Variants in DNAAF1 observed in about 807,000 individuals in gnomAD.
DNAAF1 encodes dynein axonemal assembly factor 1.
Under a neutral mutation model 71.1 loss-of-function variants are expected in DNAAF1, and 65 were observed. That is an observed-to-expected ratio of 0.91 (90% CI 0.75 to 1.12). DNAAF1 has a LOEUF of 1.12. Ranked by LOEUF, DNAAF1 falls within the 50% of genes most tolerant of loss-of-function variation. The probability of loss-of-function intolerance (pLI) is 0.00; values close to 1 mark genes in which losing one functional copy is unlikely to be tolerated. For synonymous variants in DNAAF1, 414 were observed against 354.6 expected, an observed-to-expected ratio of 1.17 and a Z score of -1.88; for missense variants, 1,178 against 899.8, an observed-to-expected ratio of 1.31 and a Z score of -3.96.
intron 3 of DNAAF1, 146 bp from the exon 4 acceptor site, chr16:84,154,431 C>T (rs932074690): frequency 2.7e-6 from 2 of 753,936 alleles, no homozygotes; most frequent in Non-Finnish European, 4.6e-6. Context: ...CTCCTAATAC[C>T]ATCACATTAG....
intron 3 of DNAAF1, among the ~76,000 whole-genome samples, chr16:84,153,136 G>A (rs565504925): frequency 2.6e-5 from 4 of 152,008 alleles, no homozygotes; most frequent in African/African-American, 4.8e-5. Flanking sequence ...TGGTGTTGTG[G>A]CTATCTTAAA....
chr16:84,155,498 G>T, intron 4 of DNAAF1, 85 bp from the exon 5 acceptor site: 1 of 1,464,112 alleles, frequency 6.8e-7, no homozygotes, highest in South Asian at 1.1e-5. Context: ...CCAAAGTGCT[G>T]GGATTACAGG....
chr16:84,172,375 T>C lies in DNAAF1; in HGVS notation c.1644T>C (p.Asp548=). The part of the protein sequence containing the change: ...RLETKETFCI[D]DLPDLEDDDE... ...AGACAAAGGAGACATTCTGCATTGATGTACATGAAGTATTTAATCTTGGAG... is the reference window on the plus strand; with the variant it reads ...AGACAAAGGAGACATTCTGCATTGACGTACATGAAGTATTTAATCTTGGAG... The change falls in exon 9 of 12, where the codon GAT becomes GAC. Residue 548 remains aspartate (D), a splice_region_variant and synonymous_variant. Transcript: ENST00000378553. 1 of 1,613,844 alleles carries C rather than the reference T, an allele frequency of 6.2e-7. No individual in the cohort carries two copies. The highest frequency in any genetic ancestry group is 8.5e-7 in the Non-Finnish European group (1 of 1,179,768).
At chr16:84,146,844 C>G (rs557207198) in intron 1 of DNAAF1, among the ~76,000 whole-genome samples, 4 of 152,328 alleles carry the variant, frequency 2.6e-5, no homozygotes, top group Non-Finnish European at 5.9e-5. Flanking sequence ...TAAAAAACCA[C>G]TTGATTTGTG....
intron 10 of DNAAF1, 122 bp downstream of exon 10, chr16:84,174,844 C>G (rs1170232161): frequency 3.3e-6 from 4 of 1,228,210 alleles, no homozygotes; most frequent in Non-Finnish European, 3.5e-6. Flanking sequence ...CATTGAATTC[C>G]CCCATATTCT....
At chr16:84,163,034 C>G (rs544337767) in intron 6 of DNAAF1, among the ~76,000 whole-genome samples, 1 of 152,268 alleles carries the variant, frequency 6.6e-6, no homozygotes, top group East Asian at 1.9e-4. Context: ...CGTGTTCCAT[C>G]CAGTACTTCA....
Position 84,170,289 on chromosome 16 carries a change from T to G in DNAAF1, c.1461T>G (p.Asp487Glu). The G allele has an allele frequency of 6.2e-7, 1 of 1,609,314 alleles. No individual in the cohort carries two copies. Among genetic ancestry groups the G allele is most frequent in the South Asian group, 1.1e-5 (1 of 90,820 alleles). ...PPVKVKGEDG[D>E]REPEGTLPAE... ...TGAAGGTTAAAGGAGAGGATGGAGA[T>G]CGAGAGCCAGAGGGGACCCTCCCAG... The change falls in exon 8 of 12, where the codon GAT (aspartate) becomes GAG (glutamate). Residue 487 changes from aspartate to glutamate, a missense_variant. By Grantham distance (45) the Asp-to-Glu change is conservative. Transcript: ENST00000378553.
chr16:84,173,929 C>G (rs1346315345), intron 9 of DNAAF1: 1 of 153,238 alleles, frequency 6.5e-6, no homozygotes, highest in Non-Finnish European at 1.4e-5. Flanking sequence ...ATATAGATAA[C>G]TACAACACTA....
chr16:84,172,919 C>T (rs1452346557), intron 9 of DNAAF1: 1 of 1,007,084 alleles, frequency 9.9e-7, no homozygotes, highest in South Asian at 4.2e-5. Flanking sequence ...TCACTCTTCC[C>T]TGAAGCTCTT....
At chr16:84,164,763 C>A (rs2087884272) in intron 6 of DNAAF1, among the ~76,000 whole-genome samples, 1 of 152,210 alleles carries the variant, frequency 6.6e-6, no homozygotes, top group Non-Finnish European at 1.5e-5. Context: ...AAGTCTTCAA[C>A]TCATTTGAGT....
intron 7 of DNAAF1, among the ~76,000 whole-genome samples, chr16:84,167,825 G>A (rs9972657): frequency 6.6e-6 from 1 of 152,096 alleles, no homozygotes; most frequent in African/African-American, 2.4e-5. Context: ...AGACCAGCCT[G>A]AACAACATGG....
chr16:84,171,239 C>G (rs1464942504), intron 8 of DNAAF1, among the ~76,000 whole-genome samples: 1 of 152,128 alleles, frequency 6.6e-6, no homozygotes, highest in Non-Finnish European at 1.5e-5. Flanking sequence ...AGTTCGAGAC[C>G]AGCCTGGCCA....
chr16:84,177,163 G>GT, intron 11 of DNAAF1: 3 of 183,706 alleles, frequency 1.6e-5, no homozygotes, highest in Non-Finnish European at 3.5e-5. Flanking sequence ...GCATTTCCCG[G>GT]GAACACTGAG....
intron 11 of DNAAF1, chr16:84,177,039 G>A (rs183207321): frequency 2.6e-3 from 439 of 166,972 alleles, no homozygotes; most frequent in African/African-American, 9.8e-3. Flanking sequence ...GGGCTGTGTG[G>A]AGCCCAGACC....
In DNAAF1 at chr16:84,145,445, A is replaced by G. The variant is rs1226278534; in HGVS notation, c.5A>G (p.His2Arg). The G allele has an allele frequency of 1.9e-6, 3 of 1,580,232 alleles. No homozygotes were observed. The highest frequency in any genetic ancestry group is 2.3e-5 in the East Asian group (1 of 43,644). ...TTCGGTGTCGCCGAAGTAAACATGC[A>G]CCCTGAGCCCTCGGAGCCTGCGACA... is the stretch of plus-strand genomic sequence containing the variant. MHPEPSEPATGG... is the reference protein window; with the variant it reads MRPEPSEPATGG... The change falls in exon 1 of 12, where the codon CAC (histidine) becomes CGC (arginine). Residue 2 changes from histidine (H) to arginine (R), a missense_variant. His to Arg is a conservative substitution (Grantham distance 29, BLOSUM62 0). Coordinates refer to ENST00000378553, the MANE Select transcript of DNAAF1 (RefSeq NM_178452.6).
intron 6 of DNAAF1, among the ~76,000 whole-genome samples, chr16:84,162,865 C>G (rs1369711681): frequency 1.3e-5 from 2 of 151,952 alleles, no homozygotes; most frequent in African/African-American, 2.4e-5. Flanking sequence ...AGCCAACCCC[C>G]TATTTCTCGC....
chr16:84,167,620 A>G (rs982108827), intron 7 of DNAAF1, among the ~76,000 whole-genome samples: 1 of 152,168 alleles, frequency 6.6e-6, no homozygotes, highest in African/African-American at 2.4e-5. Flanking sequence ...GCCTCCTAGC[A>G]CCCCTATGTA....
At chr16:84,173,476 AAG>A (rs996331856) in intron 9 of DNAAF1, 4 of 984,402 alleles carry the variant, frequency 4.1e-6, no homozygotes, top group Non-Finnish European at 1.2e-6. Flanking sequence ...AAAAGAAAAA[AAG>A]AGTTAAAGTG....
At position 84,159,783 on chromosome 16, in the gene DNAAF1, T is replaced by C. The variant is rs905828831; in HGVS notation, c.850T>C (p.Phe284Leu). 2.6e-5 allele frequency: 42 copies of C among 1,613,832 alleles called. No homozygotes were observed. The highest frequency in any genetic ancestry group is 3.5e-5 in the Non-Finnish European group (41 of 1,179,896). The change falls in exon 6 of 12, where the codon TTT becomes CTT. Residue 284 changes from phenylalanine (F) to leucine (L), a missense_variant. Phe to Leu is a conservative substitution (Grantham distance 22). Coordinates refer to ENST00000378553, the MANE Select transcript of DNAAF1 (RefSeq NM_178452.6). ...AACATACCTGGATGATAGACCAGTG[T>C]TTCCAAAGGACAGGTAAGAAGAGAA... Reference protein sequence around the residue: ...HLTYLDDRPVFPKDRACAEAW... With the variant: ...HLTYLDDRPVLPKDRACAEAW...
Sources: allele counts gnomAD v4.1 joint callset (sites outside exome capture counted in the v4.1 genomes callset), GRCh38; gene constraint gnomAD v4.1.1; transcripts MANE v1.5; gene names NCBI Gene and HGNC (gene_info 2026-07-23, HGNC 2026-07-21).